The following ESRRG variants were observed in gnomAD, a reference collection of about 807,000 sequenced individuals.
The protein encoded by ESRRG is estrogen related receptor gamma.
A neutral mutation model predicts 44.0 loss-of-function variants in ESRRG; 13 were observed. The ratio of observed to expected loss-of-function variants is 0.30; its 90% CI spans 0.19 to 0.47. The LOEUF (loss-of-function observed/expected upper bound fraction) is 0.47, where lower values mean the gene tolerates loss of function less well. ESRRG is among the 20% of genes least tolerant of loss of function. The pLI is 1.00. For synonymous variants in ESRRG, 215 were observed against 214.6 expected (o/e 1.00, Z -0.02); for missense variants, 395 against 580.6 (o/e 0.68, Z 3.29).
At chr1:217,027,015 T>C (rs1179432878) in intron 1 of ESRRG, among the ~76,000 whole-genome samples, 1 of 151,906 alleles carries the variant, frequency 6.6e-6, no homozygotes, top group Admixed American at 6.6e-5. Context: ...GTAAGACTCC[T>C]TTTCCTTCAA....
rs182661084 is a variant in ESRRG, at chr1:217,115,955, A to G, written c.-230+21712T>C. Among the ~76,000 whole-genome samples the G allele has an allele frequency of 3.9e-5, 6 of 152,322 alleles. No individual in the cohort carries two copies. In the East Asian group the frequency reaches 1.2e-3, roughly 29 times the overall value. On this transcript the variant is annotated intron_variant, in intron 1 of 8. Coordinates refer to the ESRRG transcript ENST00000366940. ...ATATAAAGTTGATAAGTAAAAGAAT[A>G]AATTCATGAGTGAGTTTACAGCAGG...
chr1:216,639,636 C>T (rs551336734), intron 3 of ESRRG, among the ~76,000 whole-genome samples: 1 of 152,288 alleles, frequency 6.6e-6, no homozygotes, highest in East Asian at 1.9e-4. Context: ...CCCCAAGACA[C>T]ATACAAACGC....
chr1:216,828,087 C>T (rs892173080), intron 2 of ESRRG, among the ~76,000 whole-genome samples: 1 of 152,158 alleles, frequency 6.6e-6, no homozygotes, highest in African/African-American at 2.4e-5. Context: ...CTGGTTGAAA[C>T]TATCAAGGAT....
At chr1:217,021,646 G>A (rs1312646918) in intron 1 of ESRRG, among the ~76,000 whole-genome samples, 3 of 152,160 alleles carry the variant, frequency 2.0e-5, no homozygotes, top group Admixed American at 2.0e-4. Flanking sequence ...TTACGAAACA[G>A]GGACAGAGAG....
intron 2 of ESRRG, among the ~76,000 whole-genome samples, chr1:216,903,321 C>T (rs1464408944): frequency 6.6e-6 from 1 of 151,840 alleles, no homozygotes; most frequent in Admixed American, 6.6e-5. Flanking sequence ...CTTGTAGCAC[C>T]GGGCCAAGAT....
chr1:216,566,799 T>C (rs2149579872), intron 4 of ESRRG, among the ~76,000 whole-genome samples: 1 of 152,252 alleles, frequency 6.6e-6, no homozygotes, highest in Non-Finnish European at 1.5e-5. Context: ...GATTGGACAA[T>C]TGAAGGTATA....
chr1:216,603,843 G>A lies in ESRRG; in HGVS notation c.590-35745C>T, dbSNP rs1395767976. Among the ~76,000 whole-genome samples, 4 of 150,520 alleles carry A rather than the reference G, an allele frequency of 2.7e-5. 1 individual carries two copies. The highest frequency in any genetic ancestry group is 1.3e-4 in the Admixed American group (2 of 14,900). On this transcript the variant is annotated intron_variant, in intron 3 of 6. Coordinates refer to ENST00000408911, the MANE Select transcript of ESRRG (RefSeq NM_001438.4). ...CTCGGCGGGATGAGATGAGACATGA[G>A]AATCACTTGAACCCAGGAGGCGGAG...
intron 2 of ESRRG, among the ~76,000 whole-genome samples, chr1:216,923,785 A>G (rs1237902285): frequency 6.6e-6 from 1 of 152,182 alleles, no homozygotes; most frequent in African/African-American, 2.4e-5. Flanking sequence ...CTGGCTGTCC[A>G]GTGTCACAAT....
Position 216,506,793 on chromosome 1 carries a change from CT to C in ESRRG, c.*145del. 1.2e-6 allele frequency: 1 copy of C among 837,830 alleles called. No individual in the cohort carries two copies. Among genetic ancestry groups the C allele is most frequent in the East Asian group, 2.6e-5 (1 of 37,984 alleles). 51.9% of individuals were successfully genotyped at this position (837,830 alleles called of 1,614,324 possible). ...AGGAACCTATGGAGGAATCTGAAAG[CT>C]GCTTCATAGTCTTGCTGCTAAATTA... On this transcript the variant is annotated 3_prime_UTR_variant, in exon 7 of 7. Transcript: ENST00000408911.
intron 2 of ESRRG, among the ~76,000 whole-genome samples, chr1:216,747,042 G>A (rs1279615536): frequency 6.6e-6 from 1 of 152,112 alleles, no homozygotes; most frequent in Non-Finnish European, 1.5e-5. Flanking sequence ...CATAGAATTT[G>A]TATTTTGTAG....
intron 2 of ESRRG, among the ~76,000 whole-genome samples, chr1:216,762,015 C>G (rs1158867670): frequency 6.6e-6 from 1 of 152,082 alleles, no homozygotes; most frequent in Admixed American, 6.6e-5. Flanking sequence ...GTGCTTTAGA[C>G]CCATTGCTTT....
intron 2 of ESRRG, among the ~76,000 whole-genome samples, chr1:216,840,684 T>C (rs186413265): frequency 7.1e-4 from 108 of 152,286 alleles, no homozygotes; most frequent in African/African-American, 1.9e-3. Flanking sequence ...TTAGAGGTCA[T>C]TGTAAGGTTA....
At chr1:216,758,927 C>T (rs957213342) in intron 2 of ESRRG, among the ~76,000 whole-genome samples, 4 of 151,742 alleles carry the variant, frequency 2.6e-5, no homozygotes, top group Non-Finnish European at 5.9e-5. Flanking sequence ...GCCAAATAAC[C>T]CCTAAGAAGG....
chr1:216,937,356 T>TA (rs750076654), intron 2 of ESRRG, among the ~76,000 whole-genome samples: 102 of 152,212 alleles, frequency 6.7e-4, no homozygotes, highest in Non-Finnish European at 1.0e-3. Context: ...AGGGGGTAGC[T>TA]ACTCCCAGAC....
chr1:216,575,292 T>C (rs1320874076), intron 3 of ESRRG, among the ~76,000 whole-genome samples: 1 of 152,102 alleles, frequency 6.6e-6, no homozygotes, highest in Non-Finnish European at 1.5e-5. Flanking sequence ...GTAGATATTT[T>C]CTCTAACTAT....
At chr1:216,533,974 T>G (rs1462555121) in intron 5 of ESRRG, among the ~76,000 whole-genome samples, 1 of 152,178 alleles carries the variant, frequency 6.6e-6, no homozygotes, top group Non-Finnish European at 1.5e-5. Context: ...TTTTAGGCAC[T>G]AGGCTCCTCT....
intron 2 of ESRRG, among the ~76,000 whole-genome samples, chr1:216,749,429 C>A (rs926367556): frequency 1.4e-4 from 22 of 152,274 alleles, no homozygotes; most frequent in Non-Finnish European, 2.2e-4. Flanking sequence ...TGTTTGGCAA[C>A]AAGCGCGATA....
At chr1:216,764,824 G>A (rs2092992509) in intron 2 of ESRRG, among the ~76,000 whole-genome samples, 1 of 152,100 alleles carries the variant, frequency 6.6e-6, no homozygotes, top group Non-Finnish European at 1.5e-5. Context: ...ACTAATTGCA[G>A]GGGTAGGGGA....
chr1:216,515,714 C>A (rs1487032232), intron 6 of ESRRG, among the ~76,000 whole-genome samples: 1 of 151,956 alleles, frequency 6.6e-6, no homozygotes, highest in Non-Finnish European at 1.5e-5. Context: ...TGGCTTCAGG[C>A]TGGGGTGGGG....
Sources: allele counts gnomAD v4.1 joint callset (sites outside exome capture counted in the v4.1 genomes callset), GRCh38; gene constraint gnomAD v4.1.1; transcripts MANE v1.5; gene names NCBI Gene and HGNC (gene_info 2026-07-23, HGNC 2026-07-21).